SSBP3: variants seen among roughly 807,000 people sequenced by gnomAD.
The protein encoded by SSBP3 is single-stranded DNA-binding protein 3.
SSBP3 carries 5 observed loss-of-function variants against 69.6 expected under a neutral mutation model. The ratio of observed to expected loss-of-function variants is 0.07; its 90% CI spans 0.04 to 0.15. SSBP3 has a LOEUF of 0.15. SSBP3 is among the 10% of genes least tolerant of loss of function. The probability of loss-of-function intolerance (pLI) is 1.00; values close to 1 mark genes in which losing one functional copy is unlikely to be tolerated. For synonymous variants in SSBP3, 196 were observed against 193.4 expected (o/e 1.01, Z -0.11); for missense variants, 312 against 534.0 (o/e 0.58, Z 4.10).
At chr1:54,364,311 T>C (rs978841728) in intron 4 of SSBP3, among the ~76,000 whole-genome samples, 2 of 152,222 alleles carry the variant, frequency 1.3e-5, no homozygotes, top group Non-Finnish European at 2.9e-5. Flanking sequence ...CCTACTCTAG[T>C]GTCAAGTACA....
upstream of SSBP3, among the ~76,000 whole-genome samples, chr1:54,407,085 T>C (rs1035006359): frequency 2.0e-5 from 3 of 151,762 alleles, no homozygotes; most frequent in South Asian, 2.1e-4. Flanking sequence ...TACTAGATCA[T>C]TAAAATACTT....
At position 54,251,611 on chromosome 1, in the gene SSBP3, G is replaced by A. The variant is rs780829835; in HGVS notation, c.651+5C>T. The stretch of plus-strand genomic sequence containing the variant: ...GAGACGGACGGACAGACAGGCGGTG[G>A]TTACCTGTGGGCCGGGACCCATGGG... On this transcript the variant is annotated splice_donor_5th_base_variant and intron_variant, in intron 9 of 17. Coordinates refer to ENST00000610401, the Ensembl canonical transcript of SSBP3. 2 of 1,551,444 alleles carry A rather than the reference G, an allele frequency of 1.3e-6. No homozygotes were observed. Among genetic ancestry groups the A allele is most frequent in the East Asian group, 2.4e-5 (1 of 40,950 alleles).
intron 5 of SSBP3, among the ~76,000 whole-genome samples, chr1:54,277,949 G>C (rs938640491): frequency 6.6e-6 from 1 of 152,146 alleles, no homozygotes; most frequent in Admixed American, 6.5e-5. Flanking sequence ...AAATGCCACT[G>C]CTTGATTATG....
intron 4 of SSBP3, among the ~76,000 whole-genome samples, chr1:54,364,485 ACT>A (rs1646998479): frequency 1.3e-5 from 2 of 152,212 alleles, no homozygotes; most frequent in Non-Finnish European, 2.9e-5. Context: ...CCAACCTAGC[ACT>A]CTGTTTAACA....
intron 4 of SSBP3, among the ~76,000 whole-genome samples, chr1:54,317,062 A>G (rs1249981544): frequency 2.6e-5 from 4 of 152,154 alleles, no homozygotes; most frequent in Non-Finnish European, 2.9e-5. Context: ...AATTTTGGGG[A>G]GACTCAGTAT....
At chr1:54,330,085 C>T (rs1323091242) in intron 4 of SSBP3, among the ~76,000 whole-genome samples, 1 of 152,174 alleles carries the variant, frequency 6.6e-6, no homozygotes, top group Non-Finnish European at 1.5e-5. Flanking sequence ...AATACATACA[C>T]ACAAGAGCCT....
intron 4 of SSBP3, among the ~76,000 whole-genome samples, chr1:54,369,738 C>G (rs1177467734): frequency 6.6e-6 from 1 of 151,654 alleles, no homozygotes; most frequent in East Asian, 1.9e-4. Flanking sequence ...ACTCACCAAC[C>G]AGTCTGAGGA....
chr1:54,240,095 C>CGTGTGT (rs1557448870), intron 13 of SSBP3, among the ~76,000 whole-genome samples: 1 of 12,972 alleles, frequency 7.7e-5, no homozygotes, highest in Non-Finnish European at 1.2e-4. Flanking sequence ...TGTGCGCGCG[C>CGTGTGT]GCGCGTGTGC....
At chr1:54,319,106 A>G (rs912893813) in intron 4 of SSBP3, among the ~76,000 whole-genome samples, 4 of 152,180 alleles carry the variant, frequency 2.6e-5, no homozygotes, top group Admixed American at 2.0e-4. Context: ...ACCAGCCCTG[A>G]GCACTGGGGA....
chr1:54,346,000 C>A (rs865995280), intron 4 of SSBP3, among the ~76,000 whole-genome samples: 3,724 of 139,246 alleles, frequency 0.027, 124 homozygotes, highest in African/African-American at 0.08. Flanking sequence ...AAAAAAAAAA[C>A]AAAACAAAAA....
intron 4 of SSBP3, among the ~76,000 whole-genome samples, chr1:54,365,600 T>A (rs1647018021): frequency 6.6e-6 from 1 of 152,138 alleles, no homozygotes; most frequent in African/African-American, 2.4e-5. Flanking sequence ...GTCACAGAAC[T>A]GGGTGGGCGT....
chr1:54,394,489 CA>C (rs1648717687), intron 4 of SSBP3, among the ~76,000 whole-genome samples: 1 of 151,812 alleles, frequency 6.6e-6, no homozygotes, highest in Non-Finnish European at 1.5e-5. Flanking sequence ...TCTGTCTCTT[CA>C]ACTAGACAGT....
intron 4 of SSBP3, chr1:54,286,303 A>G (rs1470010520): frequency 6.6e-6 from 1 of 152,214 alleles, no homozygotes; most frequent in Non-Finnish European, 1.5e-5. Flanking sequence ...AACAAAAACA[A>G]CAAATAAAGC....
chr1:54,289,677 G>A (rs773027761), intron 4 of SSBP3, among the ~76,000 whole-genome samples: 3 of 152,162 alleles, frequency 2.0e-5, no homozygotes, highest in Non-Finnish European at 4.4e-5. Flanking sequence ...GGCAGGACTC[G>A]AGGATGCAGG....
chr1:54,324,955 C>T (rs370701587), intron 4 of SSBP3, among the ~76,000 whole-genome samples: 5 of 152,160 alleles, frequency 3.3e-5, no homozygotes, highest in African/African-American at 4.8e-5. Context: ...GGCAGAAAGC[C>T]GCTCTGCTCT....
intron 4 of SSBP3, among the ~76,000 whole-genome samples, chr1:54,298,513 AGGCCACCC>A (rs1645741470): frequency 6.6e-6 from 1 of 152,150 alleles, no homozygotes. Context: ...GCAGTGCCAG[AGGCCACCC>A]GGCTCCAGGA....
intron 1 of SSBP3, 54 bp from the exon 2 acceptor site, chr1:54,404,984 G>A: frequency 6.6e-7 from 1 of 1,517,474 alleles, no homozygotes; most frequent in East Asian, 2.3e-5. Context: ...AGATCCCACC[G>A]GCGCTCTCCA....
chr1:54,228,275 G>A (rs1386083101), exon 17 of SSBP3: 1 of 1,614,074 alleles, frequency 6.2e-7, no homozygotes, highest in Non-Finnish European at 8.5e-7. Flanking sequence ...TGAAAGGAGT[G>A]GAGGAAGTTC....
chr1:54,365,885 C>A (rs570949170), intron 4 of SSBP3, among the ~76,000 whole-genome samples: 1 of 152,330 alleles, frequency 6.6e-6, no homozygotes, highest in South Asian at 2.1e-4. Flanking sequence ...AATCCTGTCT[C>A]AGCCACTTAC....
Sources: allele counts gnomAD v4.1 joint callset (sites outside exome capture counted in the v4.1 genomes callset), GRCh38; gene constraint gnomAD v4.1.1; transcripts MANE v1.5; gene names NCBI Gene and HGNC (gene_info 2026-07-23, HGNC 2026-07-21).